The following MTX2 variants were observed in gnomAD, a reference collection of about 807,000 sequenced individuals.
MTX2 encodes the protein metaxin 2.
A neutral mutation model predicts 42.3 loss-of-function variants in MTX2; 35 were observed. The observed-to-expected ratio is 0.83, with a 90% CI of 0.63 to 1.10. MTX2 has a LOEUF of 1.10. Ranked by LOEUF, MTX2 falls within the 50% of genes least tolerant of loss-of-function variation. MTX2 has a pLI of 0.00. For synonymous variants in MTX2, 119 were observed against 100.9 expected, an observed-to-expected ratio of 1.18 and a Z score of -1.08; for missense variants, 307 against 304.1, an observed-to-expected ratio of 1.01 and a Z score of -0.07.
intron 1 of MTX2, among the ~76,000 whole-genome samples, chr2:176,284,928 A>G (rs1367503532): frequency 6.6e-6 from 1 of 152,218 alleles, no homozygotes; most frequent in African/African-American, 2.4e-5. Context: ...CCTCATCTCT[A>G]CAGTATCAGA....
rs74492834 is a variant in MTX2, at chr2:176,330,613, A to T, written c.573A>T (p.Gln191His). Residue 191 changes from glutamine to histidine, a missense_variant, in exon 9 of 10, where the codon CAA becomes CAT. By Grantham distance (24) the Gln-to-His change is conservative. Transcript: ENST00000249442. ...QVLEDVDQCC[Q>H]ALSQRLGTQP... ...TAGAGGATGTAGACCAGTGCTGTCA[A>T]GCTCTCTCTCAAAGACTGGGAACAC... 2.5e-6 allele frequency: 4 copies of T among 1,595,186 alleles called. No homozygotes were observed. The highest frequency in any genetic ancestry group is 1.3e-5 in the African/African-American group (1 of 74,572).
intron 3 of MTX2, among the ~76,000 whole-genome samples, chr2:176,311,962 G>C (rs1034701949): frequency 6.6e-6 from 1 of 152,196 alleles, no homozygotes; most frequent in Non-Finnish European, 1.5e-5. Context: ...TGGAAATGCA[G>C]AAATCACCCA....
intron 9 of MTX2, among the ~76,000 whole-genome samples, chr2:176,333,915 C>T (rs111742766): frequency 9.2e-4 from 140 of 151,794 alleles, no homozygotes; most frequent in African/African-American, 3.2e-3. Context: ...TAAGTAGACT[C>T]TATGATGTTC....
At chr2:176,301,224 C>T (rs773623104) in intron 3 of MTX2, among the ~76,000 whole-genome samples, 14 of 152,002 alleles carry the variant, frequency 9.2e-5, no homozygotes, top group South Asian at 4.2e-4. Flanking sequence ...TGGAGCATTG[C>T]GTTCAATCCT....
chr2:176,308,793 T>C (rs886141461), intron 3 of MTX2, among the ~76,000 whole-genome samples: 4 of 152,216 alleles, frequency 2.6e-5, no homozygotes, highest in African/African-American at 9.6e-5. Flanking sequence ...TTCTTCTTTA[T>C]TAGTCTTGCT....
intron 9 of MTX2, among the ~76,000 whole-genome samples, chr2:176,332,426 G>C (rs1057019611): frequency 1.5e-4 from 22 of 151,154 alleles, no homozygotes; most frequent in Non-Finnish European, 2.4e-4. Flanking sequence ...TTCTATTCTT[G>C]GCTCTGACAT....
At chr2:176,270,604 AT>A (rs1378781897) in intron 1 of MTX2, among the ~76,000 whole-genome samples, 1 of 152,248 alleles carries the variant, frequency 6.6e-6, no homozygotes, top group Admixed American at 6.5e-5. Flanking sequence ...AAATAGGTAC[AT>A]TTGAAGTAAT....
intron 3 of MTX2, among the ~76,000 whole-genome samples, chr2:176,319,436 G>T (rs1684522517): frequency 7.6e-6 from 1 of 130,932 alleles, no homozygotes; most frequent in Non-Finnish European, 1.6e-5. Flanking sequence ...TGATGTTTTG[G>T]CTTTGCTTTT....
intron 3 of MTX2, among the ~76,000 whole-genome samples, chr2:176,301,029 G>T (rs1684011852): frequency 6.6e-6 from 1 of 151,962 alleles, no homozygotes; most frequent in Non-Finnish European, 1.5e-5. Context: ...AATGTTATGT[G>T]TAAGAATCTT....
intron 3 of MTX2, among the ~76,000 whole-genome samples, chr2:176,315,171 G>A (rs1360755126): frequency 6.6e-6 from 1 of 152,156 alleles, no homozygotes; most frequent in Non-Finnish European, 1.5e-5. Context: ...AGAGTTGTCT[G>A]CTATTCATTT....
chr2:176,323,438 C>T lies in MTX2; in HGVS notation c.182C>T (p.Ala61Val). ...TTGCCTATCAAAGTAGTTTGTAGGG[C>T]AAATGCAGAATATATGTCTCCATCT... The part of the protein sequence containing the change: ...CNLPIKVVCR[A>V]NAEYMSPSGK... The change falls in exon 4 of 10, where the codon GCA (alanine) becomes GTA (valine). Residue 61 changes from alanine (A) to valine (V), a missense_variant. Physicochemically the swap from Ala to Val is moderately conservative, Grantham distance 64 (BLOSUM62 0). Transcript: ENST00000249442. 6.2e-7 allele frequency: 1 copy of T among 1,611,016 alleles called. No individual in the cohort carries two copies. The highest frequency in any genetic ancestry group is 1.3e-5 in the African/African-American group (1 of 74,876).
At position 176,317,396 on chromosome 2, in the gene MTX2, GCT is replaced by G. The variant is rs373605017; in HGVS notation, c.136-5991_136-5990del. Among the ~76,000 whole-genome samples, 35 of 152,210 alleles carry G rather than the reference GCT, an allele frequency of 2.3e-4. 2 individuals are homozygous for G. The highest frequency in any genetic ancestry group is 1.5e-3 in the East Asian group (8 of 5,176). On this transcript the variant is annotated intron_variant, in intron 3 of 9. Transcript: ENST00000249442. Reference sequence around the variant, plus strand: ...TATAATTTTTCAGTGAAGTTGTCTTGCTCTCTGCAGTTTTGTTTGCCAGTTCC... The same window carrying G: ...TATAATTTTTCAGTGAAGTTGTCTTGCTCTGCAGTTTTGTTTGCCAGTTCC...
intron 1 of MTX2, among the ~76,000 whole-genome samples, chr2:176,269,992 A>G (rs77428811): frequency 0.024 from 3,627 of 152,040 alleles, 129 homozygotes; most frequent in African/African-American, 0.082. Flanking sequence ...GCGTTACCAC[A>G]GGGGCAAGCA....
At chr2:176,315,185 G>C (rs747134636) in intron 3 of MTX2, among the ~76,000 whole-genome samples, 1 of 152,042 alleles carries the variant, frequency 6.6e-6, no homozygotes, top group East Asian at 1.9e-4. Context: ...TTCATTTCTC[G>C]TCAGAAGTCT....
chr2:176,312,232 C>G (rs116791388), intron 3 of MTX2, among the ~76,000 whole-genome samples: 3 of 152,246 alleles, frequency 2.0e-5, no homozygotes, highest in East Asian at 3.9e-4. Flanking sequence ...CTATAGTTTA[C>G]TAGCTTTCTG....
intron 3 of MTX2, among the ~76,000 whole-genome samples, chr2:176,312,748 A>G (rs1684344732): frequency 6.6e-6 from 1 of 151,668 alleles, no homozygotes. Flanking sequence ...CTGTAATCCC[A>G]GCTACTCGTG....
chr2:176,317,491 C>G (rs1353843574), intron 3 of MTX2, among the ~76,000 whole-genome samples: 3 of 152,096 alleles, frequency 2.0e-5, no homozygotes, highest in Non-Finnish European at 4.4e-5. Flanking sequence ...TTGATCTCTG[C>G]TAACAATTTA....
intron 1 of MTX2, among the ~76,000 whole-genome samples, chr2:176,291,309 C>T (rs2105408052): frequency 6.6e-6 from 1 of 152,184 alleles, no homozygotes; most frequent in East Asian, 1.9e-4. Context: ...TTCCCTGCTA[C>T]ATTCTTAGCC....
At chr2:176,277,414 T>G (rs1558922980) in intron 1 of MTX2, among the ~76,000 whole-genome samples, 1 of 152,238 alleles carries the variant, frequency 6.6e-6, no homozygotes. Flanking sequence ...CATTTTTCTC[T>G]TTTTTGAGAT....
Sources: allele counts gnomAD v4.1 joint callset (sites outside exome capture counted in the v4.1 genomes callset), GRCh38; gene constraint gnomAD v4.1.1; transcripts MANE v1.5; gene names NCBI Gene and HGNC (gene_info 2026-07-23, HGNC 2026-07-21).